The following PHYHIPL variants were observed in gnomAD, a reference collection of about 807,000 sequenced individuals.
PHYHIPL encodes phytanoyl-CoA hydroxylase-interacting protein-like.
A neutral mutation model predicts 33.4 loss-of-function variants in PHYHIPL; 9 were observed. That is an observed-to-expected ratio of 0.27 (90% confidence interval 0.16 to 0.47). The LOEUF (loss-of-function observed/expected upper bound fraction) is 0.47, where lower values mean the gene tolerates loss of function less well. PHYHIPL is among the 20% of genes least tolerant of loss of function. The pLI is 0.99. For synonymous variants in PHYHIPL, 153 were observed against 154.1 expected (o/e 0.99, Z 0.05); for missense variants, 365 against 460.7 (o/e 0.79, Z 1.90).
rs141755220 is a variant in PHYHIPL, at chr10:59,245,463, A to G, written c.1003A>G (p.Thr335Ala). ...GGATGTCATTTTAGAAGTCATTTAC[A>G]CTGACCCTGTGGATCTTTCTGTGGG... ...AQDVILEVIY[T>A]DPVDLSVGTV... The change falls in exon 5 of 5, where the codon ACT becomes GCT. Residue 335 changes from threonine (T) to alanine (A), a missense_variant. This residue lies in a region of PHYHIPL where 196 missense variants were observed against 224.9 expected (regional missense o/e 0.87). Transcript: ENST00000373880. 10 of 1,614,138 alleles carry G rather than the reference A, an allele frequency of 6.2e-6. No homozygotes were observed. Among genetic ancestry groups the G allele is most frequent in the South Asian group, 1.1e-5 (1 of 91,064 alleles).
At chr10:59,244,812 CATT>C (rs1448062488) in intron 4 of PHYHIPL, among the ~76,000 whole-genome samples, 4 of 152,048 alleles carry the variant, frequency 2.6e-5, no homozygotes, top group East Asian at 1.9e-4. Context: ...AGGAAATTTA[CATT>C]ATTATGTTAA....
At chr10:59,182,384 C>G (rs770577226) in intron 1 of PHYHIPL, among the ~76,000 whole-genome samples, 1 of 151,996 alleles carries the variant, frequency 6.6e-6, no homozygotes, top group Non-Finnish European at 1.5e-5. Flanking sequence ...GCTCTTTCAC[C>G]CAGGCTGGAA....
At chr10:59,190,711 T>C (rs912626504) in intron 1 of PHYHIPL, among the ~76,000 whole-genome samples, 6 of 152,000 alleles carry the variant, frequency 3.9e-5, no homozygotes, top group Non-Finnish European at 8.9e-5. Flanking sequence ...TTTCCCTAGT[T>C]ACTTATATTT....
At chr10:59,214,795 G>T (rs766898639) in intron 1 of PHYHIPL, among the ~76,000 whole-genome samples, 1 of 151,976 alleles carries the variant, frequency 6.6e-6, no homozygotes, top group Non-Finnish European at 1.5e-5. Context: ...CAACCCAATA[G>T]GAATTAGCAT....
At chr10:59,234,960 TGTTACTA>T (rs1768214602) in intron 2 of PHYHIPL, among the ~76,000 whole-genome samples, 1 of 151,830 alleles carries the variant, frequency 6.6e-6, no homozygotes, top group Non-Finnish European at 1.5e-5. Flanking sequence ...AGAACTGAAT[TGTTACTA>T]GTTTCTACAA....
intron 1 of PHYHIPL, among the ~76,000 whole-genome samples, chr10:59,210,716 C>T (rs1589277155): frequency 6.6e-6 from 1 of 152,142 alleles, no homozygotes; most frequent in Non-Finnish European, 1.5e-5. Context: ...GAAAATGTGG[C>T]ACATACACCA....
At chr10:59,177,026 TCCG>T (rs1838269964) in intron 1 of PHYHIPL, 67 bp downstream of exon 1, 1 of 1,391,348 alleles carries the variant, frequency 7.2e-7, no homozygotes, top group Admixed American at 1.8e-5. Flanking sequence ...CCACTCTGGC[TCCG>T]CCGACGCCGC....
At chr10:59,239,528 T>A (rs142639818) in intron 4 of PHYHIPL, among the ~76,000 whole-genome samples, 2,930 of 152,104 alleles carry the variant, frequency 0.019, 77 homozygotes, top group African/African-American at 0.067. Context: ...CCAAAACATA[T>A]CAGCTGTTAT....
rs1395002092 is a variant in PHYHIPL, at chr10:59,176,942, A to G, written c.89A>G (p.Gln30Arg). 1.9e-6 allele frequency: 3 copies of G among 1,613,366 alleles called. No individual in the cohort carries two copies. The highest frequency in any genetic ancestry group is 2.5e-6 in the Non-Finnish European group (3 of 1,179,732). Residue 30 changes from glutamine to arginine, a missense_variant, in exon 1 of 5, where the codon CAG (glutamine) becomes CGG (arginine). Gln to Arg is a conservative substitution (Grantham distance 43, BLOSUM62 1). Around this residue, in one of 4 missense-constraint regions of PHYHIPL, gnomAD observed 89 missense variants for 78.3 expected, o/e 1.14. Transcript: ENST00000373880. ...AAAAACCTCAGCCTGGAGGCCATTC[A>G]GCTGTGCGACCGGGACGGTAAGAGC... Reference protein sequence around the residue: ...VIKNLSLEAIQLCDRDGNKSQ... With the variant: ...VIKNLSLEAIRLCDRDGNKSQ...
chr10:59,232,192 A>C (rs1162962746), intron 1 of PHYHIPL, among the ~76,000 whole-genome samples: 1 of 152,170 alleles, frequency 6.6e-6, no homozygotes, highest in East Asian at 1.9e-4. Context: ...ATATTTCATT[A>C]GAAAAATATT....
At chr10:59,219,471 A>T (rs548803819) in intron 1 of PHYHIPL, among the ~76,000 whole-genome samples, 20 of 152,198 alleles carry the variant, frequency 1.3e-4, no homozygotes, top group Non-Finnish European at 2.4e-4. Flanking sequence ...GCTTTATTTC[A>T]TACCCAAAAT....
chr10:59,220,690 A>G (rs929112484), intron 1 of PHYHIPL, among the ~76,000 whole-genome samples: 3 of 152,042 alleles, frequency 2.0e-5, no homozygotes, highest in African/African-American at 4.8e-5. Context: ...TTTGCCCCCA[A>G]ACAATACAAA....
At chr10:59,177,479 A>G in intron 1 of PHYHIPL, 1 of 1,547,936 alleles carries the variant, frequency 6.5e-7, no homozygotes, top group Non-Finnish European at 8.7e-7. Context: ...GATTAGGATG[A>G]CAGTTTTTCA....
chr10:59,235,553 GA>G (rs1269530652), intron 2 of PHYHIPL, among the ~76,000 whole-genome samples: 1 of 151,874 alleles, frequency 6.6e-6, no homozygotes, highest in Non-Finnish European at 1.5e-5. Flanking sequence ...ACATACTACA[GA>G]TAAGTGTGAA....
chr10:59,234,095 T>C (rs75465046), intron 1 of PHYHIPL, among the ~76,000 whole-genome samples: 1 of 151,866 alleles, frequency 6.6e-6, no homozygotes, highest in African/African-American at 2.4e-5. Context: ...CCTAACCATA[T>C]AAAACTAACA....
chr10:59,188,129 TG>T (rs1248163157), intron 1 of PHYHIPL, among the ~76,000 whole-genome samples: 1 of 152,204 alleles, frequency 6.6e-6, no homozygotes. Flanking sequence ...CTCTACACAA[TG>T]CTTTGAATGT....
At chr10:59,213,042 T>C (rs1482287578) in intron 1 of PHYHIPL, among the ~76,000 whole-genome samples, 1 of 152,234 alleles carries the variant, frequency 6.6e-6, no homozygotes, top group Non-Finnish European at 1.5e-5. Flanking sequence ...CTATAAATTT[T>C]ATAAATTAAT....
intron 1 of PHYHIPL, among the ~76,000 whole-genome samples, chr10:59,198,545 T>C (rs1838991955): frequency 6.6e-6 from 1 of 152,182 alleles, no homozygotes; most frequent in Admixed American, 6.5e-5. Context: ...AGTAGCATGA[T>C]TTATAATCCT....
At chr10:59,194,432 G>A (rs1329002138) in intron 1 of PHYHIPL, among the ~76,000 whole-genome samples, 1 of 151,998 alleles carries the variant, frequency 6.6e-6, no homozygotes, top group Non-Finnish European at 1.5e-5. Context: ...ACTCTAATAT[G>A]ATAATATTTT....
Sources: gnomAD v4.1 joint callset for allele counts (sites outside exome capture counted in the v4.1 genomes callset) on GRCh38, gnomAD v4.1.1 for gene constraint, gnomAD v4.1.1 regional missense constraint, MANE v1.5 for transcripts, NCBI Gene and HGNC (gene_info 2026-07-23, HGNC 2026-07-21) for gene names.